Variants in MTPN observed in about 807,000 individuals in gnomAD.
The protein encoded by MTPN is myotrophin.
MTPN carries 2 observed loss-of-function variants against 13.5 expected under a neutral mutation model. The observed-to-expected ratio is 0.15, with a 90% confidence interval of 0.06 to 0.47. MTPN has a LOEUF of 0.47. Ranked by LOEUF, MTPN falls within the 20% of genes least tolerant of loss-of-function variation. The pLI, the probability that MTPN is intolerant of heterozygous loss-of-function variation, is 0.97. For synonymous variants in MTPN, 46 were observed against 51.7 expected, an observed-to-expected ratio of 0.89 and a Z score of 0.48; for missense variants, 79 against 137.9, an observed-to-expected ratio of 0.57 and a Z score of 2.14.
chr7:135,961,781 T>G (rs1799527438), intron 1 of MTPN, among the ~76,000 whole-genome samples: 1 of 152,050 alleles, frequency 6.6e-6, no homozygotes, highest in South Asian at 2.1e-4. Context: ...TGAAAAAAAT[T>G]TGTTTAATGG....
chr7:135,932,560 T>A (rs1799040305), intron 3 of MTPN: 2 of 152,102 alleles, frequency 1.3e-5, no homozygotes, highest in Non-Finnish European at 2.9e-5. Context: ...AATGTTAACA[T>A]CTTAGTGTTT....
intron 3 of MTPN, among the ~76,000 whole-genome samples, chr7:135,933,949 C>T (rs2116342828): frequency 6.6e-6 from 1 of 152,158 alleles, no homozygotes; most frequent in Admixed American, 6.5e-5. Context: ...TAGCACCTCC[C>T]CCTTCACACT....
At chr7:135,952,201 TG>T (rs1799373209) in intron 1 of MTPN, among the ~76,000 whole-genome samples, 1 of 152,134 alleles carries the variant, frequency 6.6e-6, no homozygotes, top group African/African-American at 2.4e-5. Context: ...CGTCTGGGGT[TG>T]GGGGGCAGAT....
chr7:135,940,969 C>T (rs1468149712), intron 3 of MTPN, among the ~76,000 whole-genome samples: 1 of 152,184 alleles, frequency 6.6e-6, no homozygotes, highest in Admixed American at 6.5e-5. Flanking sequence ...TAGGCTCATT[C>T]ATTTACATGT....
intron 1 of MTPN, among the ~76,000 whole-genome samples, chr7:135,952,133 C>T (rs754542849): frequency 6.6e-6 from 1 of 152,160 alleles, no homozygotes; most frequent in Non-Finnish European, 1.5e-5. Context: ...CTGTGCTAGA[C>T]AGTAGGAAGA....
intron 3 of MTPN, among the ~76,000 whole-genome samples, chr7:135,934,665 A>G (rs142393296): frequency 1.1e-3 from 173 of 152,318 alleles, no homozygotes; most frequent in African/African-American, 3.7e-3. Context: ...ACACTTTGAA[A>G]TAAGTCACTA....
rs1798938749 is a variant in MTPN at position 135,927,485 on chromosome 7, A to T, written c.*2441T>A. ...CAGAACATGCAAAATTTTTTCTGAG[A>T]TGTTAAGTATTACTTCAGTGGAGAA... On this transcript the variant is annotated 3_prime_UTR_variant, in exon 4 of 4. Coordinates refer to ENST00000393085, the MANE Select transcript of MTPN (RefSeq NM_145808.4). 1 of 1,410,204 alleles carries T rather than the reference A, an allele frequency of 7.1e-7. No individual in the cohort carries two copies. The highest frequency in any genetic ancestry group is 1.4e-5 in the African/African-American group (1 of 69,418). 87.4% of individuals were successfully genotyped at this position (1,410,204 alleles called of 1,614,324 possible).
At chr7:135,960,184 C>T (rs1442604721) in intron 1 of MTPN, among the ~76,000 whole-genome samples, 1 of 152,010 alleles carries the variant, frequency 6.6e-6, no homozygotes, top group Non-Finnish European at 1.5e-5. Context: ...TAAATTATAT[C>T]ATGTGATTAA....
At position 135,929,811 on chromosome 7, in the gene MTPN, C is replaced by T. The variant is rs1171579009; in HGVS notation, c.*115G>A. The stretch of plus-strand genomic sequence containing the variant: ...TGTTATGAATTTCTCTCTCCCCTCA[C>T]CCCTCTTAAAGTATTTAGCTGAAGA... On this transcript the variant is annotated 3_prime_UTR_variant, in exon 4 of 4. Coordinates refer to ENST00000393085, the MANE Select transcript of MTPN (RefSeq NM_145808.4). 5 of 1,040,782 alleles carry T rather than the reference C, an allele frequency of 4.8e-6. No homozygotes were observed. Among genetic ancestry groups the T allele is most frequent in the South Asian group, 1.4e-5 (1 of 72,860 alleles). 64.5% of individuals were successfully genotyped at this position (1,040,782 alleles called of 1,614,324 possible).
Position 135,928,002 on chromosome 7 carries a change from GGT to G in MTPN, c.*1922_*1923del. On this transcript the variant is annotated 3_prime_UTR_variant, in exon 4 of 4. Coordinates refer to ENST00000393085, the MANE Select transcript of MTPN (RefSeq NM_145808.4). ...CATTATGTCAAGAGGTGAAAACAAA[GGT>G]ATCAAAACACCCTGTTGCACTACGT... 3.8e-6 allele frequency: 1 copy of G among 265,926 alleles called. No individual in the cohort carries two copies. The allele number at this position is 265,926 out of a possible 1,614,324, so 16.5% of individuals were successfully genotyped here.
chr7:135,961,734 GCTA>G (rs770437675), intron 1 of MTPN, among the ~76,000 whole-genome samples: 8 of 151,956 alleles, frequency 5.3e-5, no homozygotes, highest in Non-Finnish European at 5.9e-5. Context: ...ACCAGAAGCT[GCTA>G]CTGAGAGATA....
intron 1 of MTPN, among the ~76,000 whole-genome samples, chr7:135,967,876 C>T (rs1178676843): frequency 6.6e-6 from 1 of 152,160 alleles, no homozygotes; most frequent in Non-Finnish European, 1.5e-5. Flanking sequence ...GCTATGGTTT[C>T]ACCAATAATG....
At chr7:135,952,616 T>G (rs1799379782) in intron 1 of MTPN, among the ~76,000 whole-genome samples, 1 of 152,170 alleles carries the variant, frequency 6.6e-6, no homozygotes, top group Non-Finnish European at 1.5e-5. Flanking sequence ...TAATTCGCTA[T>G]TTGCCCCTTC....
intron 1 of MTPN, among the ~76,000 whole-genome samples, chr7:135,953,926 G>A (rs1799401953): frequency 6.6e-6 from 1 of 152,080 alleles, no homozygotes; most frequent in Non-Finnish European, 1.5e-5. Flanking sequence ...AGGGCCTCCT[G>A]TAAATCAGAA....
rs1229406099 is a variant in MTPN at position 135,928,819 on chromosome 7, G to A, written c.*1107C>T. ...ATATTATGCAGGTGGGTTGGCATATGTTCAGCAGAAGCCTATCAACAACTC... is the reference window on the plus strand; with the variant it reads ...ATATTATGCAGGTGGGTTGGCATATATTCAGCAGAAGCCTATCAACAACTC... On this transcript the variant is annotated 3_prime_UTR_variant, in exon 4 of 4. Transcript: ENST00000393085. The A allele has an allele frequency of 6.0e-6, 1 of 167,066 alleles. No homozygotes were observed. Among genetic ancestry groups the A allele is most frequent in the Admixed American group, 6.5e-5 (1 of 15,286 alleles). 10.3% of individuals were successfully genotyped at this position (167,066 alleles called of 1,614,324 possible).
intron 1 of MTPN, among the ~76,000 whole-genome samples, chr7:135,966,552 A>AG (rs1301082643): frequency 6.6e-6 from 1 of 152,146 alleles, no homozygotes; most frequent in African/African-American, 2.4e-5. Context: ...AACGTCAAAA[A>AG]AAAAAATTAA....
At chr7:135,953,207 ATTTAC>A (rs1168784243) in intron 1 of MTPN, among the ~76,000 whole-genome samples, 1 of 152,162 alleles carries the variant, frequency 6.6e-6, no homozygotes, top group Non-Finnish European at 1.5e-5. Context: ...CAAATTTAAG[ATTTAC>A]TTTGTCTATG....
chr7:135,933,717 A>C lies in MTPN; in HGVS notation c.271-3705T>G, dbSNP rs990367134. Among the ~76,000 whole-genome samples the C allele has an allele frequency of 5.4e-4, 82 of 152,206 alleles. 1 individual carries two copies. Among genetic ancestry groups the C allele is most frequent in the African/African-American group, 1.7e-3 (71 of 41,464 alleles). ...ATCAGAAGGTAACACTTACAGTAAC[A>C]GCCTGAGTTTTCCCCAGTCCCACAA... On this transcript the variant is annotated intron_variant, in intron 3 of 3. Coordinates refer to ENST00000393085, the MANE Select transcript of MTPN (RefSeq NM_145808.4).
In MTPN at chr7:135,977,211, A is replaced by G; in HGVS notation, c.-111T>C. ...GCAGGGCCGCGCGAAGCCGGAGAGG[A>G]GAAGAAGAGAAGGAGGGTTAGGCTG... is the stretch of plus-strand genomic sequence containing the variant. On this transcript the variant is annotated 5_prime_UTR_variant, in exon 1 of 4. Transcript: ENST00000393085. 9.3e-7 allele frequency: 1 copy of G among 1,073,690 alleles called. No homozygotes were observed. 66.5% of individuals were successfully genotyped at this position (1,073,690 alleles called of 1,614,324 possible).
Sources: gnomAD v4.1 joint callset for allele counts (sites outside exome capture counted in the v4.1 genomes callset) on GRCh38, gnomAD v4.1.1 for gene constraint, MANE v1.5 for transcripts, NCBI Gene and HGNC (gene_info 2026-07-23, HGNC 2026-07-21) for gene names.